PSMA1: variants seen among roughly 807,000 people sequenced by gnomAD.
The protein encoded by PSMA1 is proteasome 20S subunit alpha 1, also known as proteasome subunit alpha type-1.
A neutral mutation model predicts 38.4 loss-of-function variants in PSMA1; 3 were observed. The ratio of observed to expected loss-of-function variants is 0.08; its 90% CI spans 0.04 to 0.20. PSMA1 has a LOEUF of 0.20. Among genes scored for constraint, PSMA1 ranks in the 10% least tolerant of loss-of-function variants. The pLI, the probability that PSMA1 is intolerant of heterozygous loss-of-function variation, is 1.00. For synonymous variants in PSMA1, 101 were observed against 107.1 expected (o/e 0.94, Z 0.35); for missense variants, 227 against 325.3 (o/e 0.70, Z 2.32).
intron 8 of PSMA1, among the ~76,000 whole-genome samples, chr11:14,509,294 T>A (rs954737740): frequency 4.6e-5 from 7 of 152,156 alleles, no homozygotes; most frequent in Admixed American, 3.9e-4. Context: ...CTTGGAGACA[T>A]TCCCCCCTCA....
chr11:14,590,071 T>C (rs566009142), intron 2 of PSMA1, among the ~76,000 whole-genome samples: 145 of 152,330 alleles, frequency 9.5e-4, no homozygotes, highest in African/African-American at 3.2e-3. Flanking sequence ...GAGGACATCA[T>C]ACAAATGAAA....
chr11:14,630,559 CG>C (rs1332841998), intron 1 of PSMA1, among the ~76,000 whole-genome samples: 1 of 151,798 alleles, frequency 6.6e-6, no homozygotes, highest in African/African-American at 2.4e-5. Flanking sequence ...CTGCTGGATT[CG>C]GTTTGCCAGT....
At chr11:14,582,782 CG>C (rs905255900) in intron 2 of PSMA1, among the ~76,000 whole-genome samples, 6 of 151,654 alleles carry the variant, frequency 4.0e-5, no homozygotes, top group African/African-American at 1.5e-4. Context: ...CCACCCATCT[CG>C]GCTTCCCAAA....
At chr11:14,587,630 A>G (rs1475947881) in intron 2 of PSMA1, among the ~76,000 whole-genome samples, 1 of 149,560 alleles carries the variant, frequency 6.7e-6, no homozygotes, top group Non-Finnish European at 1.5e-5. Context: ...CCCAGCTGAC[A>G]TCATGTATAG....
At chr11:14,575,945 C>T (rs910469652) in intron 2 of PSMA1, among the ~76,000 whole-genome samples, 2 of 152,170 alleles carry the variant, frequency 1.3e-5, no homozygotes, top group African/African-American at 4.8e-5. Flanking sequence ...TTTTAATGAT[C>T]ACCATTCTAA....
intron 2 of PSMA1, among the ~76,000 whole-genome samples, chr11:14,544,333 C>T (rs1039407691): frequency 2.6e-5 from 4 of 151,968 alleles, no homozygotes; most frequent in South Asian, 2.1e-4. Flanking sequence ...CGTGCCCGGC[C>T]GGTAAATTAA....
At chr11:14,511,592 A>G (rs1565032081) in intron 7 of PSMA1, among the ~76,000 whole-genome samples, 1 of 152,228 alleles carries the variant, frequency 6.6e-6, no homozygotes, top group African/African-American at 2.4e-5. Flanking sequence ...AAAGCACGTG[A>G]TAAAACCTAA....
intron 2 of PSMA1, among the ~76,000 whole-genome samples, chr11:14,584,133 T>C (rs981216717): frequency 6.6e-6 from 1 of 152,176 alleles, no homozygotes; most frequent in Non-Finnish European, 1.5e-5. Flanking sequence ...ACCTTACAAC[T>C]CCAAAATAAG....
At chr11:14,532,795 G>A (rs1851662746) in intron 2 of PSMA1, among the ~76,000 whole-genome samples, 1 of 151,538 alleles carries the variant, frequency 6.6e-6, no homozygotes, top group African/African-American at 2.4e-5. Flanking sequence ...GGGAGGCTGA[G>A]GCATAAGAAT....
chr11:14,603,449 A>G (rs923540513), intron 2 of PSMA1, among the ~76,000 whole-genome samples: 2 of 152,184 alleles, frequency 1.3e-5, no homozygotes, highest in African/African-American at 4.8e-5. Context: ...GCAAAGGACC[A>G]CTTCCTCCTC....
intron 1 of PSMA1, among the ~76,000 whole-genome samples, chr11:14,638,585 A>ATTTTTTT (rs1162549899): frequency 1.2e-4 from 1 of 8,096 alleles, no homozygotes; most frequent in Non-Finnish European, 2.0e-4. Flanking sequence ...ATATATATAT[A>ATTTTTTT]TTTTTTTTTT....
At chr11:14,628,250 C>T (rs1278650715) in intron 1 of PSMA1, among the ~76,000 whole-genome samples, 3 of 149,588 alleles carry the variant, frequency 2.0e-5, no homozygotes, top group South Asian at 2.2e-4. Flanking sequence ...ATGTGCCATG[C>T]TGGTGCGCTG....
At chr11:14,624,405 T>A (rs999788101) in intron 1 of PSMA1, among the ~76,000 whole-genome samples, 1 of 152,162 alleles carries the variant, frequency 6.6e-6, no homozygotes, top group African/African-American at 2.4e-5. Flanking sequence ...TGGTACCATG[T>A]CATCAGCAGG....
At chr11:14,630,842 C>A (rs1032514773) in intron 1 of PSMA1, among the ~76,000 whole-genome samples, 3 of 152,034 alleles carry the variant, frequency 2.0e-5, no homozygotes, top group Non-Finnish European at 2.9e-5. Flanking sequence ...ACAATTTCAG[C>A]TCCTGTTATT....
At position 14,510,934 on chromosome 11, in the gene PSMA1, C is replaced by G; in HGVS notation, c.562G>C (p.Val188Leu). ...CTTAAGGCACGCAGACCATGTTTAACTAGTTCATTTAAATTACCTATATGT... is the reference window on the plus strand; with the variant it reads ...CTTAAGGCACGCAGACCATGTTTAAGTAGTTCATTTAAATTACCTATATGT... ...EFMECNLNEL[V>L]KHGLRALRET... The change falls in exon 8 of 10, where the codon GTT becomes CTT. Residue 188 changes from valine to leucine, a missense_variant. Val to Leu is a conservative substitution (Grantham distance 32). Coordinates refer to ENST00000396394, the MANE Select transcript of PSMA1 (RefSeq NM_002786.4). The G allele has an allele frequency of 1.2e-6, 2 of 1,600,420 alleles. No individual in the cohort carries two copies. The highest frequency in any genetic ancestry group is 1.7e-6 in the Non-Finnish European group (2 of 1,172,124).
chr11:14,598,221 T>C (rs1021582251), intron 2 of PSMA1, among the ~76,000 whole-genome samples: 3 of 152,222 alleles, frequency 2.0e-5, no homozygotes, highest in African/African-American at 7.2e-5. Context: ...GAATGTATAT[T>C]CTGTTGATTT....
chr11:14,511,588 C>T lies in PSMA1; in HGVS notation c.545-637G>A, dbSNP rs75094296. Among the ~76,000 whole-genome samples, 551 of 152,136 alleles carry T rather than the reference C, an allele frequency of 3.6e-3. 1 individual carries two copies. The highest frequency in any genetic ancestry group is 6.4e-3 in the Non-Finnish European group (438 of 67,994). On this transcript the variant is annotated intron_variant, in intron 7 of 9. Transcript: ENST00000396394. ...CACCCCAAGAGATGCATAAAAAGCA[C>T]GTGATAAAACCTAAAATGTTTGCAT... is the stretch of plus-strand genomic sequence containing the variant.
At chr11:14,555,958 T>C (rs894347671) in intron 2 of PSMA1, among the ~76,000 whole-genome samples, 3 of 152,236 alleles carry the variant, frequency 2.0e-5, no homozygotes, top group Non-Finnish European at 4.4e-5. Flanking sequence ...TTCTATCAGT[T>C]TTGTTTTCTC....
chr11:14,631,280 C>G (rs1457646465), intron 1 of PSMA1, among the ~76,000 whole-genome samples: 6 of 152,194 alleles, frequency 3.9e-5, no homozygotes, highest in African/African-American at 1.4e-4. Context: ...TTCGATATTT[C>G]CTGCTTTCTC....
Sources: gnomAD v4.1 joint callset for allele counts (sites outside exome capture counted in the v4.1 genomes callset) on GRCh38, gnomAD v4.1.1 for gene constraint, MANE v1.5 for transcripts, NCBI Gene and HGNC (gene_info 2026-07-23, HGNC 2026-07-21) for gene names.